DCHS2: variants seen among roughly 807,000 people sequenced by gnomAD.
DCHS2 encodes the protein dachsous cadherin-related 2.
Under a neutral mutation model 182.4 loss-of-function variants are expected in DCHS2, and 142 were observed. The ratio of observed to expected loss-of-function variants is 0.78; its 90% CI spans 0.68 to 0.89. DCHS2 has a LOEUF of 0.89. Ranked by LOEUF, DCHS2 falls within the 40% of genes least tolerant of loss-of-function variation. The probability of loss-of-function intolerance (pLI) is 0.00; values close to 1 mark genes in which losing one functional copy is unlikely to be tolerated. For missense variants in DCHS2, 4,319 were observed against 4,198.6 expected (o/e 1.03, Z -0.79); for synonymous variants, 1,740 against 1,663.3 (o/e 1.05, Z -1.12).
intron 1 of DCHS2, among the ~76,000 whole-genome samples, chr4:154,395,182 G>A (rs1731877343): frequency 1.3e-5 from 2 of 152,120 alleles, no homozygotes; most frequent in South Asian, 4.1e-4. Context: ...ATCATTAAGG[G>A]CATTATTAAT....
rs1471730803 is a variant in DCHS2 at position 154,333,117 on chromosome 4, C to T, written c.3091G>A (p.Ala1031Thr). 1.9e-6 allele frequency: 3 copies of T among 1,614,010 alleles called. No homozygotes were observed. The Admixed American group carries it at 5.0e-5, about 27-fold the overall frequency. The change falls in exon 5 of 20, where the codon GCC (alanine) becomes ACC (threonine). Residue 1031 changes from alanine (A) to threonine (T), a missense_variant. By Grantham distance (58) the Ala-to-Thr change is moderately conservative. Coordinates refer to ENST00000357232, the MANE Select transcript of DCHS2 (RefSeq NM_001358235.2). The part of the protein sequence containing the change: ...PQPGVFAIDR[A>T]LGVLFLNGSL... ...CCGTTGAGGAACAGCACCCCCAGGGCTCTGTCGATGGCAAAGACGCCTGGC... is the reference window on the plus strand; with the variant it reads ...CCGTTGAGGAACAGCACCCCCAGGGTTCTGTCGATGGCAAAGACGCCTGGC...
At chr4:154,244,720 C>T (rs539138614) in intron 16 of DCHS2, among the ~76,000 whole-genome samples, 10 of 152,256 alleles carry the variant, frequency 6.6e-5, no homozygotes, top group Admixed American at 2.0e-4. Flanking sequence ...ATGAAGAACA[C>T]AGGCTGCCTT....
At chr4:154,333,677 C>T in intron 4 of DCHS2, 183 bp from the exon 5 acceptor site, 1 of 655,500 alleles carries the variant, frequency 1.5e-6, no homozygotes, top group Non-Finnish European at 2.6e-6. Flanking sequence ...TTTCTGTGCT[C>T]ACATACATAA....
intron 1 of DCHS2, among the ~76,000 whole-genome samples, chr4:154,436,662 G>T (rs930661190): frequency 6.6e-6 from 1 of 152,094 alleles, no homozygotes; most frequent in Non-Finnish European, 1.5e-5. Flanking sequence ...ACATGAAGTA[G>T]GAACCAGCAT....
At chr4:154,282,188 A>G (rs1734178418) in intron 13 of DCHS2, among the ~76,000 whole-genome samples, 1 of 152,132 alleles carries the variant, frequency 6.6e-6, no homozygotes, top group South Asian at 2.1e-4. Flanking sequence ...ATAGGAGTAT[A>G]TCAAACTGAA....
At chr4:154,245,112 A>G (rs1341170333) in intron 16 of DCHS2, among the ~76,000 whole-genome samples, 1 of 152,144 alleles carries the variant, frequency 6.6e-6, no homozygotes, top group Non-Finnish European at 1.5e-5. Flanking sequence ...TAAATGGGAA[A>G]GGAAAAGGTT....
In DCHS2 at chr4:154,333,004, C is replaced by T. The variant is rs143911538; in HGVS notation, c.3204G>A (p.Val1068=). Residue 1068 remains valine, a synonymous_variant, in exon 5 of 20, where the codon GTG becomes GTA. Transcript: ENST00000357232. ...CGCGTTTCTCGATAACGACTGTCAG[C>T]ACCAGCAGGGCTGCCTGAGGATGCA... ...QGVHPQAALL[V]LTVVIEKREH... The T allele has an allele frequency of 9.1e-4, 1,470 of 1,614,178 alleles. 6 individuals carry two copies. The highest frequency in any genetic ancestry group is 3.5e-3 in the Middle Eastern group (21 of 6,062).
chr4:154,257,102 G>A (rs1412161844), intron 15 of DCHS2, among the ~76,000 whole-genome samples: 1 of 152,158 alleles, frequency 6.6e-6, no homozygotes, highest in Admixed American at 6.5e-5. Flanking sequence ...ACAAAAATTA[G>A]CTGGGCGTGG....
chr4:154,311,639 TAATA>T (rs1222182949), intron 10 of DCHS2, among the ~76,000 whole-genome samples: 1 of 152,140 alleles, frequency 6.6e-6, no homozygotes, highest in African/African-American at 2.4e-5. Flanking sequence ...AAGGAATAAA[TAATA>T]AATAAATTCT....
In DCHS2 at chr4:154,452,351, T is replaced by G. The variant is rs74670809; in HGVS notation, c.2052+36953A>C. ...CACCCTACTAAAGAAGCTTTAAAAATTAAAGGTTGAGGCTGTAATCCCAGC... is the reference window on the plus strand; with the variant it reads ...CACCCTACTAAAGAAGCTTTAAAAAGTAAAGGTTGAGGCTGTAATCCCAGC... On this transcript the variant is annotated intron_variant, in intron 1 of 19. Transcript: ENST00000357232. Among the ~76,000 whole-genome samples the G allele has an allele frequency of 3.2e-3, 494 of 152,224 alleles. 4 individuals carry two copies. Among genetic ancestry groups the G allele is most frequent in the African/African-American group, 0.011 (469 of 41,546 alleles).
intron 4 of DCHS2, chr4:154,333,869 T>C (rs1436645647): frequency 4.8e-6 from 1 of 206,828 alleles, no homozygotes; most frequent in Non-Finnish European, 9.8e-6. Flanking sequence ...TAATGAGGCA[T>C]TTCTCAAAAC....
At chr4:154,349,169 G>A (rs1729490045) in intron 3 of DCHS2, among the ~76,000 whole-genome samples, 1 of 151,960 alleles carries the variant, frequency 6.6e-6, no homozygotes, top group Admixed American at 6.5e-5. Flanking sequence ...GTTCCAGTGA[G>A]CTGAGCAGAA....
chr4:154,369,463 T>C (rs962146778), intron 2 of DCHS2, among the ~76,000 whole-genome samples: 5 of 152,204 alleles, frequency 3.3e-5, no homozygotes, highest in African/African-American at 4.8e-5. Context: ...ATTTTCTCCA[T>C]CCACTTAGAG....
chr4:154,428,167 A>C (rs62331930), intron 1 of DCHS2, among the ~76,000 whole-genome samples: 4 of 152,040 alleles, frequency 2.6e-5, no homozygotes, highest in Non-Finnish European at 5.9e-5. Context: ...CATTGGAGAT[A>C]TGAAATCTAG....
chr4:154,302,442 G>T (rs150198244), intron 12 of DCHS2, among the ~76,000 whole-genome samples: 198 of 152,218 alleles, frequency 1.3e-3, no homozygotes, highest in Admixed American at 2.0e-3. Context: ...CTTCTTTGCC[G>T]AGTTGTGGGG....
chr4:154,298,606 A>G lies in DCHS2; in HGVS notation c.5708T>C (p.Ile1903Thr), dbSNP rs777174468. 1.9e-6 allele frequency: 3 copies of G among 1,614,122 alleles called. No individual in the cohort carries two copies. Among genetic ancestry groups the G allele is most frequent in the Non-Finnish European group, 2.5e-6 (3 of 1,179,978 alleles). Reference sequence around the variant, plus strand: ...TGGATCTCCCAGGTCAGAGCACAGAATGACAAGGGTAAAATTGCTGATTTG... The same window carrying G: ...TGGATCTCCCAGGTCAGAGCACAGAGTGACAAGGGTAAAATTGCTGATTTG... ...REQISNFTLVILCSDLGDPPR... is the reference protein window; with the variant it reads ...REQISNFTLVTLCSDLGDPPR... The change falls in exon 13 of 20, where the codon ATT becomes ACT. Residue 1903 changes from isoleucine (I) to threonine (T), a missense_variant. Ile to Thr is a moderately conservative substitution (Grantham distance 89, BLOSUM62 -1). Coordinates refer to ENST00000357232, the MANE Select transcript of DCHS2 (RefSeq NM_001358235.2).
chr4:154,477,210 T>C (rs74813106), intron 1 of DCHS2, among the ~76,000 whole-genome samples: 1 of 152,192 alleles, frequency 6.6e-6, no homozygotes, highest in Non-Finnish European at 1.5e-5. Context: ...ACAGGTGACC[T>C]CTTGATGTAG....
At chr4:154,238,022 CAT>C in intron 19 of DCHS2, among the ~76,000 whole-genome samples, 1 of 152,132 alleles carries the variant, frequency 6.6e-6, no homozygotes, top group Middle Eastern at 3.4e-3. Context: ...GTCAATAGCA[CAT>C]GTCAAGTAAA....
At chr4:154,243,980 A>G (rs1731956994) in intron 16 of DCHS2, among the ~76,000 whole-genome samples, 1 of 152,186 alleles carries the variant, frequency 6.6e-6, no homozygotes, top group Admixed American at 6.6e-5. Context: ...ACATGTTCAC[A>G]TAAACTTTTT....
Sources: allele counts gnomAD v4.1 joint callset (sites outside exome capture counted in the v4.1 genomes callset), GRCh38; gene constraint gnomAD v4.1.1; transcripts MANE v1.5; gene names NCBI Gene and HGNC (gene_info 2026-07-23, HGNC 2026-07-21).